Variants in USH2A observed in about 807,000 individuals in gnomAD.
USH2A encodes Usher syndrome 2A (autosomal recessive, mild).
Under a neutral mutation model 538.9 loss-of-function variants are expected in USH2A, and 443 were observed. The ratio of observed to expected loss-of-function variants is 0.82; its 90% confidence interval spans 0.76 to 0.89. The LOEUF is 0.89. USH2A is among the 40% of genes least tolerant of loss of function. The pLI, the probability that USH2A is intolerant of heterozygous loss-of-function variation, is 0.00. For synonymous variants in USH2A, 2,413 were observed against 2,273.5 expected (o/e 1.06, Z -1.75); for missense variants, 6,633 against 6,324.8 (o/e 1.05, Z -1.65).
At chr1:215,667,623 G>A (rs1038986196) in intron 64 of USH2A, among the ~76,000 whole-genome samples, 5 of 151,828 alleles carry the variant, frequency 3.3e-5, no homozygotes, top group South Asian at 2.1e-4. Context: ...GCTTAAACCC[G>A]GGAGGCGGAG....
At position 216,013,100 on chromosome 1, in the gene USH2A, G is replaced by A. The variant is rs550854004; in HGVS notation, c.6326-12538C>T. Among the ~76,000 whole-genome samples, 510 of 152,186 alleles carry A rather than the reference G, an allele frequency of 3.4e-3. 1 individual carries two copies. Among genetic ancestry groups the A allele is most frequent in the African/African-American group, 0.011 (475 of 41,510 alleles). On this transcript the variant is annotated intron_variant, in intron 32 of 71. Coordinates refer to ENST00000307340, the MANE Select transcript of USH2A (RefSeq NM_206933.4). ...GGCAGGACTATGCTGAATCTCCTTA[G>A]GCACTCTCTAATCAGATGTCCTGAG...
chr1:215,993,509 A>AACACACACACACACACACACACACAC (rs66804361), intron 34 of USH2A, among the ~76,000 whole-genome samples: 9 of 146,454 alleles, frequency 6.1e-5, no homozygotes, highest in African/African-American at 2.0e-4. Flanking sequence ...GAGTGAATTA[A>AACACACACACACACACACACACACAC]ACACACACAC....
intron 9 of USH2A, among the ~76,000 whole-genome samples, chr1:216,299,762 G>A (rs1294906963): frequency 6.6e-6 from 1 of 152,034 alleles, no homozygotes; most frequent in African/African-American, 2.4e-5. Flanking sequence ...CAACTACTAT[G>A]TAAGCTAAAA....
At chr1:216,398,038 C>T (rs2039243947) in intron 3 of USH2A, among the ~76,000 whole-genome samples, 1 of 152,204 alleles carries the variant, frequency 6.6e-6, no homozygotes, top group South Asian at 2.1e-4. Flanking sequence ...TCTCTTTTCA[C>T]CATGTCAGTT....
intron 16 of USH2A, among the ~76,000 whole-genome samples, chr1:216,203,027 A>G (rs1004145938): frequency 6.6e-6 from 1 of 152,164 alleles, no homozygotes; most frequent in Non-Finnish European, 1.5e-5. Context: ...AATGACTGAT[A>G]CAGTTTCTGG....
At position 215,743,099 on chromosome 1, in the gene USH2A, T is replaced by A. The variant is rs1358160365; in HGVS notation, c.11548+78A>T. 5 of 1,524,406 alleles carry A rather than the reference T, an allele frequency of 3.3e-6. No individual in the cohort carries two copies. The East Asian group carries it at 7.0e-5, about 21-fold the overall frequency. The allele number at this position is 1,524,406 out of a possible 1,614,324, so 94.4% of individuals were successfully genotyped here. A position where few individuals can be genotyped will look rare whatever the true frequency, so the allele number is the denominator to read the frequency against. ...TTAGTCTTTATATTTGGACTGAGAA[T>A]GTATTCCTTTTTAATGAAATTTTTT... is the stretch of plus-strand genomic sequence containing the variant. On this transcript the variant is annotated intron_variant, in intron 59 of 71. Coordinates refer to ENST00000307340, the MANE Select transcript of USH2A (RefSeq NM_206933.4).
intron 20 of USH2A, among the ~76,000 whole-genome samples, chr1:216,181,757 TG>T (rs1035332302): frequency 3.9e-5 from 6 of 152,148 alleles, no homozygotes; most frequent in African/African-American, 1.4e-4. Context: ...ATGGGGCTTA[TG>T]CAATTAACTA....
chr1:215,722,817 T>G (rs529220741), intron 61 of USH2A, among the ~76,000 whole-genome samples: 10 of 152,268 alleles, frequency 6.6e-5, no homozygotes, highest in Admixed American at 3.9e-4. Context: ...TATAACCCCG[T>G]GGAACAAGCA....
chr1:215,852,573 A>G (rs1664046115), intron 44 of USH2A, among the ~76,000 whole-genome samples: 1 of 152,180 alleles, frequency 6.6e-6, no homozygotes, highest in South Asian at 2.1e-4. Context: ...TGAAAAGTCC[A>G]CAGACCAAAG....
chr1:215,782,048 A>T lies in USH2A; in HGVS notation c.10734T>A (p.Ser3578Arg). 6.2e-7 allele frequency: 1 copy of T among 1,613,910 alleles called. No individual in the cohort carries two copies. The highest frequency in any genetic ancestry group is 1.1e-5 in the South Asian group (1 of 91,078). Residue 3578 changes from serine to arginine, a missense_variant, in exon 54 of 72, where the codon AGT (serine) becomes AGA (arginine). Ser to Arg is a moderately radical substitution (Grantham distance 110). Coordinates refer to ENST00000307340, the MANE Select transcript of USH2A (RefSeq NM_206933.4). ...TTAGGCAAACTCCTCTTACCTTGCT[A>T]CTGGTGGCACAGCCAGCAACCGTGC... ...KACTVAGCAT[S>R]SKVVAATTQG... is the part of the protein sequence containing the mutation.
chr1:215,757,059 A>C (rs1169236534), intron 58 of USH2A, among the ~76,000 whole-genome samples: 1 of 152,222 alleles, frequency 6.6e-6, no homozygotes, highest in East Asian at 1.9e-4. Flanking sequence ...TATCGAAATT[A>C]AGAACAGAGT....
At chr1:215,907,789 C>T (rs1212614619) in intron 38 of USH2A, among the ~76,000 whole-genome samples, 1 of 151,998 alleles carries the variant, frequency 6.6e-6, no homozygotes, top group African/African-American at 2.4e-5. Flanking sequence ...GTGCCCAACA[C>T]AGTGCTTTGT....
At chr1:216,409,534 C>A (rs1312237479) in intron 3 of USH2A, among the ~76,000 whole-genome samples, 1 of 152,002 alleles carries the variant, frequency 6.6e-6, no homozygotes, top group African/African-American at 2.4e-5. Flanking sequence ...AAAACAGACA[C>A]ATAGACCGAA....
rs563500848 is a variant in USH2A at position 216,030,132 on chromosome 1, A to C, written c.6325+16299T>G. On this transcript the variant is annotated intron_variant, in intron 32 of 71. Coordinates refer to ENST00000307340, the MANE Select transcript of USH2A (RefSeq NM_206933.4). ...AATATATGGTATATATGATATACAT[A>C]ACAGATATATAATATATATGATATA... Among the ~76,000 whole-genome samples, 118 of 140,144 alleles carry C rather than the reference A, an allele frequency of 8.4e-4. 1 individual carries two copies. The highest frequency in any genetic ancestry group is 2.9e-3 in the African/African-American group (112 of 39,174). 91.9% of individuals were successfully genotyped at this position (140,144 alleles called of 152,430 possible). A position where few individuals can be genotyped will look rare whatever the true frequency, so the allele number is the denominator to read the frequency against.
chr1:216,222,377 C>G (rs570572602), intron 14 of USH2A, among the ~76,000 whole-genome samples: 1 of 152,116 alleles, frequency 6.6e-6, no homozygotes, highest in Admixed American at 6.6e-5. Context: ...TGTGGCTGAC[C>G]CCCAGGCTAT....
intron 4 of USH2A, among the ~76,000 whole-genome samples, chr1:216,344,372 T>C (rs1314760717): frequency 6.6e-6 from 1 of 152,090 alleles, no homozygotes; most frequent in Admixed American, 6.6e-5. Flanking sequence ...TTCCTTGAAG[T>C]TGCAAACAAG....
Position 216,200,028 on chromosome 1 carries a change from A to G in USH2A, c.3410T>C (p.Val1137Ala). ...TGGTTTTGTCTTGTAAGTGACAGCTACACTCCTTGTTGAACCATGCACATT... is the reference window on the plus strand; with the variant it reads ...TGGTTTTGTCTTGTAAGTGACAGCTGCACTCCTTGTTGAACCATGCACATT... ...TTNVHGSTRS[V>A]AVTYKTKPGV... The change falls in exon 17 of 72, where the codon GTA (valine) becomes GCA (alanine). Residue 1137 changes from valine (V) to alanine (A), a missense_variant. Transcript: ENST00000307340. 6.2e-7 allele frequency: 1 copy of G among 1,614,090 alleles called. No individual in the cohort carries two copies. The highest frequency in any genetic ancestry group is 1.1e-5 in the South Asian group (1 of 91,074).
At position 216,073,300 on chromosome 1, in the gene USH2A, C is replaced by T. The variant is rs752358054; in HGVS notation, c.5573G>A (p.Gly1858Asp). 14 of 1,610,714 alleles carry T rather than the reference C, an allele frequency of 8.7e-6. No individual in the cohort carries two copies. The highest frequency in any genetic ancestry group is 2.2e-5 in the East Asian group (1 of 44,600). Residue 1858 changes from glycine to aspartate, a missense_variant and splice_region_variant, in exon 28 of 72, where the codon GGT (glycine) becomes GAT (aspartate). Transcript: ENST00000307340. ...AACATCCTTCATGCAACCACCGAAA[C>T]CTAGCAAATAGTAAGGGATTAGTAT... ...NSYQHLCLEQGFGGCMKDVKF... is the reference protein window; with the variant it reads ...NSYQHLCLEQDFGGCMKDVKF...
chr1:215,853,431 C>A (rs994999982), intron 44 of USH2A, among the ~76,000 whole-genome samples: 12 of 152,196 alleles, frequency 7.9e-5, no homozygotes, highest in Non-Finnish European at 4.4e-5. Flanking sequence ...TCATGAAGAC[C>A]TCTGACATGC....
Sources: gnomAD v4.1 joint callset for allele counts (sites outside exome capture counted in the v4.1 genomes callset) on GRCh38, gnomAD v4.1.1 for gene constraint, MANE v1.5 for transcripts, NCBI Gene and HGNC (gene_info 2026-07-23, HGNC 2026-07-21) for gene names.